DGKI: variants seen among roughly 807,000 people sequenced by gnomAD.
The protein encoded by DGKI is DAG kinase iota.
A neutral mutation model predicts 147.5 loss-of-function variants in DGKI; 55 were observed. That is an observed-to-expected ratio of 0.37 (90% confidence interval 0.30 to 0.47). DGKI has a LOEUF of 0.47. Among genes scored for constraint, DGKI ranks in the 20% least tolerant of loss-of-function variants. The pLI is 1.00. For synonymous variants in DGKI, 469 were observed against 477.1 expected, an observed-to-expected ratio of 0.98 and a Z score of 0.22; for missense variants, 1,007 against 1,323.8, an observed-to-expected ratio of 0.76 and a Z score of 3.71.
chr7:137,473,629 T>C (rs1307076169), intron 23 of DGKI, among the ~76,000 whole-genome samples: 1 of 152,156 alleles, frequency 6.6e-6, no homozygotes, highest in East Asian at 1.9e-4. Flanking sequence ...CTGGTAATTG[T>C]AATACCAAAA....
chr7:137,722,903 A>AC, intron 1 of DGKI: 3 of 724,396 alleles, frequency 4.1e-6, no homozygotes, highest in Middle Eastern at 7.9e-4. Flanking sequence ...AAAAAAAAAA[A>AC]GTATAGCATA....
chr7:137,816,848 A>C (rs1343429757), intron 1 of DGKI, among the ~76,000 whole-genome samples: 1 of 152,176 alleles, frequency 6.6e-6, no homozygotes, highest in Non-Finnish European at 1.5e-5. Flanking sequence ...GATCCGAAGA[A>C]GGGAGTCTCG....
At chr7:137,626,171 A>G (rs1257335163) in intron 6 of DGKI, among the ~76,000 whole-genome samples, 2 of 152,096 alleles carry the variant, frequency 1.3e-5, no homozygotes, top group East Asian at 3.8e-4. Flanking sequence ...AGCACTATAC[A>G]CTGAGTCCTG....
At chr7:137,691,030 T>C (rs1357673779) in intron 1 of DGKI, among the ~76,000 whole-genome samples, 1 of 152,162 alleles carries the variant, frequency 6.6e-6, no homozygotes, top group East Asian at 1.9e-4. Context: ...TTTTCCCCTA[T>C]AATAATATCT....
intron 6 of DGKI, among the ~76,000 whole-genome samples, chr7:137,643,794 G>A (rs1056144812): frequency 6.6e-6 from 1 of 152,138 alleles, no homozygotes; most frequent in Non-Finnish European, 1.5e-5. Flanking sequence ...GGGAACACTT[G>A]TCTCAAAGTA....
chr7:137,714,286 T>TA (rs928599493), intron 1 of DGKI, among the ~76,000 whole-genome samples: 10 of 152,014 alleles, frequency 6.6e-5, no homozygotes, highest in South Asian at 4.1e-4. Flanking sequence ...CTTTCAAGGT[T>TA]AAAAAAAATG....
intron 20 of DGKI, among the ~76,000 whole-genome samples, chr7:137,540,603 T>C (rs1817655443): frequency 6.6e-6 from 1 of 151,834 alleles, no homozygotes; most frequent in African/African-American, 2.4e-5. Flanking sequence ...GGAAGATCAC[T>C]TGAACCCAGG....
chr7:137,537,829 A>G (rs1040076602), intron 20 of DGKI, among the ~76,000 whole-genome samples: 1 of 152,220 alleles, frequency 6.6e-6, no homozygotes, highest in East Asian at 1.9e-4. Flanking sequence ...CTTATAGTTT[A>G]CAAAGGCATG....
At chr7:137,749,775 C>T (rs1236937263) in intron 1 of DGKI, among the ~76,000 whole-genome samples, 4 of 151,966 alleles carry the variant, frequency 2.6e-5, no homozygotes, top group African/African-American at 4.8e-5. Context: ...CTATGAGCAC[C>T]GAGACTAGAT....
chr7:137,584,050 G>A (rs1447662909), intron 14 of DGKI, among the ~76,000 whole-genome samples: 1 of 152,078 alleles, frequency 6.6e-6, no homozygotes, highest in Non-Finnish European at 1.5e-5. Flanking sequence ...TCAGGATCAC[G>A]ATGCTAATAA....
At chr7:137,769,019 A>G (rs1340608238) in intron 1 of DGKI, among the ~76,000 whole-genome samples, 1 of 152,146 alleles carries the variant, frequency 6.6e-6, no homozygotes, top group Non-Finnish European at 1.5e-5. Flanking sequence ...AAGAAGTCAG[A>G]AAAAAAAGTC....
chr7:137,659,367 C>T (rs988571797), intron 3 of DGKI, among the ~76,000 whole-genome samples: 4 of 152,130 alleles, frequency 2.6e-5, no homozygotes, highest in African/African-American at 9.7e-5. Context: ...ACTGACTTCA[C>T]GGTGTATGAC....
chr7:137,559,632 C>G (rs898735963), intron 19 of DGKI, among the ~76,000 whole-genome samples: 1 of 151,494 alleles, frequency 6.6e-6, no homozygotes, highest in Non-Finnish European at 1.5e-5. Context: ...ATTGGGATTA[C>G]TTGTATACAT....
intron 32 of DGKI, among the ~76,000 whole-genome samples, chr7:137,395,043 T>C (rs1380687505): frequency 1.3e-5 from 2 of 152,064 alleles, no homozygotes; most frequent in African/African-American, 4.8e-5. Context: ...AGAATAATAT[T>C]AGAAAACAAA....
chr7:137,665,508 G>A (rs962590105), intron 3 of DGKI, among the ~76,000 whole-genome samples: 1 of 152,150 alleles, frequency 6.6e-6, no homozygotes, highest in African/African-American at 2.4e-5. Context: ...AGTACCGCAG[G>A]AAAACTCACT....
At chr7:137,516,153 T>A (rs1053189611) in intron 21 of DGKI, among the ~76,000 whole-genome samples, 2 of 152,044 alleles carry the variant, frequency 1.3e-5, no homozygotes, top group Admixed American at 6.6e-5. Context: ...GGAAAAAAAA[T>A]CAGTGTTTTT....
chr7:137,536,025 C>G (rs1181039564), intron 20 of DGKI, among the ~76,000 whole-genome samples: 1 of 152,110 alleles, frequency 6.6e-6, no homozygotes, highest in African/African-American at 2.4e-5. Context: ...CAAAGATTCA[C>G]ACATTTGCAA....
At chr7:137,638,114 C>T (rs2129004275) in intron 6 of DGKI, among the ~76,000 whole-genome samples, 1 of 152,124 alleles carries the variant, frequency 6.6e-6, no homozygotes, top group Non-Finnish European at 1.5e-5. Context: ...GCCTGCCTGC[C>T]CTAGGGAATC....
intron 1 of DGKI, among the ~76,000 whole-genome samples, chr7:137,773,360 T>C (rs1796267973): frequency 6.6e-6 from 1 of 152,202 alleles, no homozygotes; most frequent in South Asian, 2.1e-4. Flanking sequence ...GCCAAGAAGA[T>C]ACTATCAGGC....
Sources: allele counts gnomAD v4.1 joint callset (sites outside exome capture counted in the v4.1 genomes callset), GRCh38; gene constraint gnomAD v4.1.1; transcripts MANE v1.5; gene names NCBI Gene and HGNC (gene_info 2026-07-23, HGNC 2026-07-21).